MPPED2: variants seen among roughly 807,000 people sequenced by gnomAD.
MPPED2 encodes the protein metallophosphoesterase MPPED2.
In MPPED2, 5 loss-of-function variants were observed where a neutral mutation model predicts 33.0. The ratio of observed to expected loss-of-function variants is 0.15; its 90% confidence interval spans 0.08 to 0.32. The LOEUF is 0.32. Ranked by LOEUF, MPPED2 falls within the 10% of genes least tolerant of loss-of-function variation. The pLI is 1.00. For synonymous variants in MPPED2, 136 were observed against 141.9 expected, an observed-to-expected ratio of 0.96 and a Z score of 0.29; for missense variants, 275 against 372.1, an observed-to-expected ratio of 0.74 and a Z score of 2.15.
intron 4 of MPPED2, among the ~76,000 whole-genome samples, chr11:30,480,894 C>T (rs1225777725): frequency 6.6e-6 from 1 of 152,120 alleles, no homozygotes; most frequent in Non-Finnish European, 1.5e-5. Flanking sequence ...TTAGCCCACA[C>T]TCTATCTCCA....
intron 4 of MPPED2, among the ~76,000 whole-genome samples, chr11:30,458,495 C>T (rs1950375959): frequency 6.6e-6 from 1 of 152,172 alleles, no homozygotes; most frequent in African/African-American, 2.4e-5. Flanking sequence ...CACAATTATC[C>T]ATGTCCCAAT....
intron 6 of MPPED2, among the ~76,000 whole-genome samples, chr11:30,401,702 G>A (rs201354361): frequency 6.6e-6 from 1 of 152,148 alleles, no homozygotes; most frequent in African/African-American, 2.4e-5. Context: ...GTTTGAGACG[G>A]AGTCTCGCTC....
intron 4 of MPPED2, among the ~76,000 whole-genome samples, chr11:30,485,742 T>C (rs1951716600): frequency 6.6e-6 from 1 of 152,180 alleles, no homozygotes; most frequent in Non-Finnish European, 1.5e-5. Flanking sequence ...CAACAAAGCC[T>C]TCGCCATCAG....
intron 4 of MPPED2, among the ~76,000 whole-genome samples, chr11:30,420,822 A>C (rs1948577124): frequency 6.6e-6 from 1 of 152,166 alleles, no homozygotes; most frequent in Admixed American, 6.5e-5. Flanking sequence ...TTTTTATTAG[A>C]GTCTAAAATA....
At chr11:30,443,612 T>C (rs1240504706) in intron 4 of MPPED2, among the ~76,000 whole-genome samples, 2 of 152,150 alleles carry the variant, frequency 1.3e-5, no homozygotes, top group African/African-American at 4.8e-5. Context: ...GTATCCAGAT[T>C]GCAGTAGTAA....
downstream of MPPED2, among the ~76,000 whole-genome samples, chr11:30,407,629 T>C (rs1270860945): frequency 6.6e-6 from 1 of 152,118 alleles, no homozygotes; most frequent in Non-Finnish European, 1.5e-5. Flanking sequence ...CCCAGAACTT[T>C]GGGAGGCCGA....
intron 4 of MPPED2, among the ~76,000 whole-genome samples, chr11:30,459,075 G>A (rs987984746): frequency 3.3e-5 from 5 of 151,170 alleles, no homozygotes; most frequent in Admixed American, 3.3e-4. Context: ...ACAGGCGCCC[G>A]CCACTACGCC....
chr11:30,536,221 C>A (rs1371786682), intron 2 of MPPED2, 46 bp from the exon 3 acceptor site: 2 of 1,440,076 alleles, frequency 1.4e-6, no homozygotes, highest in Non-Finnish European at 9.2e-7. Context: ...CATATTAGAA[C>A]CCTTGAAATT....
At chr11:30,585,980 C>G (rs1957451703) in intron 1 of MPPED2, 62 bp downstream of exon 1, 1 of 152,342 alleles carries the variant, frequency 6.6e-6, no homozygotes, top group Admixed American at 6.5e-5. Flanking sequence ...TGCTCGGCAC[C>G]GGGCTCCCGG....
At chr11:30,397,514 C>T (rs760994478) in intron 6 of MPPED2, among the ~76,000 whole-genome samples, 13 of 152,140 alleles carry the variant, frequency 8.5e-5, no homozygotes, top group Non-Finnish European at 1.8e-4. Flanking sequence ...ACTGACTGCT[C>T]TAAGTTCATC....
chr11:30,412,201 A>G (rs1262445290), intron 6 of MPPED2, among the ~76,000 whole-genome samples: 1 of 150,662 alleles, frequency 6.6e-6, no homozygotes, highest in East Asian at 1.9e-4. Flanking sequence ...AGTGATGTGT[A>G]GAAACATCAC....
chr11:30,517,214 G>T (rs976052714), intron 3 of MPPED2, among the ~76,000 whole-genome samples: 1 of 152,032 alleles, frequency 6.6e-6, no homozygotes, highest in Non-Finnish European at 1.5e-5. Flanking sequence ...TATCTCCCCA[G>T]TGGAAAAGCT....
At chr11:30,522,692 G>C (rs557498923) in intron 3 of MPPED2, among the ~76,000 whole-genome samples, 88 of 152,262 alleles carry the variant, frequency 5.8e-4, no homozygotes, top group African/African-American at 2.1e-3. Context: ...CCTGCCCTGC[G>C]TGTGGGAATG....
At chr11:30,408,399 C>T (rs1322305598), downstream of MPPED2, among the ~76,000 whole-genome samples, 1 of 152,196 alleles carries the variant, frequency 6.6e-6, no homozygotes, top group Non-Finnish European at 1.5e-5. Context: ...GCAACCTCTG[C>T]CTCCTGGGTT....
At chr11:30,534,363 A>AAATAATCTC (rs1954695679) in intron 3 of MPPED2, among the ~76,000 whole-genome samples, 1 of 152,220 alleles carries the variant, frequency 6.6e-6, no homozygotes, top group Non-Finnish European at 1.5e-5. Context: ...AAATAAAGAG[A>AAATAATCTC]TTATTGTAGA....
chr11:30,489,972 GA>G (rs1420709306), intron 4 of MPPED2, among the ~76,000 whole-genome samples: 1 of 151,654 alleles, frequency 6.6e-6, no homozygotes, highest in Admixed American at 6.6e-5. Flanking sequence ...CTAGTCCCAC[GA>G]GTAAGTTTAC....
At chr11:30,484,974 G>A (rs1034477731) in intron 4 of MPPED2, among the ~76,000 whole-genome samples, 1 of 151,716 alleles carries the variant, frequency 6.6e-6, no homozygotes, top group Non-Finnish European at 1.5e-5. Flanking sequence ...CCATAGAAAC[G>A]AAGCAAACAA....
chr11:30,524,895 G>A lies in MPPED2; in HGVS notation c.310+11099C>T, dbSNP rs1229374686. Among the ~76,000 whole-genome samples the A allele has an allele frequency of 2.6e-5, 4 of 152,208 alleles. No homozygotes were observed. The East Asian group carries it at 7.7e-4, about 29-fold the overall frequency. On this transcript the variant is annotated intron_variant, in intron 3 of 6. Coordinates refer to ENST00000358117, the MANE Select transcript of MPPED2 (RefSeq NM_001584.3). ...TCTACCATCTATGTCAAAATATCTGGTCTCCAGTTAGATGCAAGTATTTGG... is the reference window on the plus strand; with the variant it reads ...TCTACCATCTATGTCAAAATATCTGATCTCCAGTTAGATGCAAGTATTTGG...
intron 4 of MPPED2, among the ~76,000 whole-genome samples, chr11:30,467,078 G>A (rs764192635): frequency 6.6e-5 from 10 of 152,074 alleles, no homozygotes; most frequent in Non-Finnish European, 1.2e-4. Flanking sequence ...AGAAGACCTC[G>A]TGCCCCTTTG....
Sources: gnomAD v4.1 joint callset for allele counts (sites outside exome capture counted in the v4.1 genomes callset) on GRCh38, gnomAD v4.1.1 for gene constraint, MANE v1.5 for transcripts, NCBI Gene and HGNC (gene_info 2026-07-23, HGNC 2026-07-21) for gene names.